TLR6: variants seen among roughly 807,000 people sequenced by gnomAD.
The protein encoded by TLR6 is toll-like receptor 6.
A neutral mutation model predicts 16.1 loss-of-function variants in TLR6; 9 were observed. The observed-to-expected ratio is 0.56, with a 90% confidence interval of 0.34 to 0.98. TLR6 has a LOEUF of 0.98. TLR6 is among the 50% of genes least tolerant of loss of function. The pLI is 0.02. For missense variants in TLR6, 786 were observed against 921.0 expected (o/e 0.85, Z 1.90); for synonymous variants, 340 against 338.6 (o/e 1.00, Z -0.04).
intron 1 of TLR6, 76 bp downstream of exon 1, chr4:38,856,685 T>G (rs1713004525): frequency 6.6e-6 from 1 of 152,214 alleles, no homozygotes; most frequent in South Asian, 2.1e-4. Flanking sequence ...TCCTATATAA[T>G]GAATGGTTAG....
At chr4:38,867,645 C>G in the TLR6 span, 1 of 151,862 alleles carries the variant, frequency 6.6e-6, no homozygotes, top group African/African-American at 2.4e-5. Flanking sequence ...GAGACTCGCC[C>G]AGCGCGGGCC....
At chr4:38,851,415 G>A (rs545643523) in intron 1 of TLR6, among the ~76,000 whole-genome samples, 9 of 152,182 alleles carry the variant, frequency 5.9e-5, no homozygotes, top group Admixed American at 2.0e-4. Context: ...AGAAATAAAG[G>A]GTATTCAATT....
intron 1 of TLR6, among the ~76,000 whole-genome samples, chr4:38,850,552 C>A (rs1712727430): frequency 6.6e-6 from 1 of 152,110 alleles, no homozygotes; most frequent in South Asian, 2.1e-4. Context: ...GGGGATATCA[C>A]CACTGATCCC....
upstream of TLR6, among the ~76,000 whole-genome samples, chr4:38,858,206 C>T (rs539901074): frequency 4.3e-4 from 66 of 152,298 alleles, no homozygotes; most frequent in Middle Eastern, 3.4e-3. Flanking sequence ...GGCCGAACCT[C>T]CACTTGGCCA....
exon 2 of TLR6, chr4:38,827,824 T>A (rs1381897835): frequency 6.2e-7 from 1 of 1,614,250 alleles, no homozygotes; most frequent in South Asian, 1.1e-5. Flanking sequence ...CCTCTAACAC[T>A]TCACTTGATA....
At chr4:38,827,573 T>C (rs1727604897) in exon 2 of TLR6, 2 of 1,614,106 alleles carry the variant, frequency 1.2e-6, no homozygotes, top group African/African-American at 2.7e-5. Context: ...TTGGAGTTCT[T>C]CTAAGGGTAT....
chr4:38,827,205 G>A lies in TLR6; in HGVS notation c.2269C>T (p.Gln757Ter), dbSNP rs368209205. The change falls in exon 2 of 2, where the codon CAG becomes TAG. Residue 757 changes from glutamine (Q) to a stop codon, truncating the protein, a stop_gained. Transcript: ENST00000436693. LOFTEE classifies it high-confidence loss of function. ...TTGGGCCACTGCAAATAAGTCCGCT[G>A]CGTCATGAGAGCCTTCAGCTTGTGG... 12 of 1,614,186 alleles carry A rather than the reference G, an allele frequency of 7.4e-6. No homozygotes were observed. Among genetic ancestry groups the A allele is most frequent in the East Asian group, 6.7e-5 (3 of 44,888 alleles).
chr4:38,867,035 C>T, the TLR6 span, among the ~76,000 whole-genome samples: 3 of 152,210 alleles, frequency 2.0e-5, no homozygotes, highest in African/African-American at 7.2e-5. Flanking sequence ...CACTGCGCTT[C>T]CTCCGCATCT....
At chr4:38,862,948 A>AAC in the TLR6 span, among the ~76,000 whole-genome samples, 1 of 151,030 alleles carries the variant, frequency 6.6e-6, no homozygotes, top group Non-Finnish European at 1.5e-5. Context: ...AAAAAAAAAA[A>AAC]AAAAAACTCC....
intron 1 of TLR6, among the ~76,000 whole-genome samples, chr4:38,854,199 C>CA (rs2109474477): frequency 6.6e-6 from 1 of 152,116 alleles, no homozygotes; most frequent in South Asian, 2.1e-4. Context: ...CACGTTAAAT[C>CA]AAAAAAGCAC....
intron 1 of TLR6, among the ~76,000 whole-genome samples, chr4:38,848,476 T>C (rs1712630373): frequency 6.6e-6 from 1 of 152,170 alleles, no homozygotes; most frequent in Non-Finnish European, 1.5e-5. Context: ...ACGATCAAAC[T>C]TCTCCAACTA....
At position 38,854,066 on chromosome 4, in the gene TLR6, T is replaced by TA. The variant is rs1712869892; in HGVS notation, c.-65+2694dup. ...GGAACTTTATTTTCCTCTTAGTTTT[T>TA]ATCTATATTTTTCAAACTTTTAACA... On this transcript the variant is annotated intron_variant, in intron 1 of 1. Coordinates refer to ENST00000436693, the Ensembl canonical transcript of TLR6. Among the ~76,000 whole-genome samples, 3 of 152,364 alleles carry TA rather than the reference T, an allele frequency of 2.0e-5. No homozygotes were observed. The South Asian group carries it at 6.2e-4, about 32-fold the overall frequency.
chr4:38,827,989 G>A, exon 2 of TLR6: 1 of 1,614,106 alleles, frequency 6.2e-7, no homozygotes, highest in South Asian at 1.1e-5. Flanking sequence ...CAGAAAGGCT[G>A]CTAAAGCTGC....
exon 2 of TLR6, chr4:38,826,166 C>T (rs1321814199): frequency 6.6e-6 from 1 of 152,334 alleles, no homozygotes; most frequent in African/African-American, 2.4e-5. Flanking sequence ...GTCCCTCACA[C>T]TTGTCTGCAA....
At chr4:38,850,918 A>G (rs2109469292) in intron 1 of TLR6, among the ~76,000 whole-genome samples, 1 of 152,320 alleles carries the variant, frequency 6.6e-6, no homozygotes, top group Admixed American at 6.5e-5. Flanking sequence ...CCTGGCAGAG[A>G]CACAACAAAA....
upstream of TLR6, among the ~76,000 whole-genome samples, chr4:38,858,832 GAAGA>G (rs71190999): frequency 0.21 from 10,779 of 50,780 alleles, 807 homozygotes; most frequent in Non-Finnish European, 0.25. Context: ...AGAGAGAGAG[GAAGA>G]AAGAAAGAAA....
the TLR6 span, chr4:38,867,548 C>G: frequency 1.3e-5 from 2 of 152,158 alleles, no homozygotes; most frequent in Admixed American, 1.3e-4. Flanking sequence ...ATCTGGCGAA[C>G]CCCGAGACCC....
In TLR6 at chr4:38,833,757, A is replaced by T. The variant is rs377298359; in HGVS notation, c.-64-4220T>A. ...TAATTCAAAATAATGATACTAAAGA[A>T]ACTCAGTGAGTTACAAGAGAGCATA... is the stretch of plus-strand genomic sequence containing the variant. On this transcript the variant is annotated intron_variant, in intron 1 of 1. Transcript: ENST00000436693. Among the ~76,000 whole-genome samples, 19 of 152,326 alleles carry T rather than the reference A, an allele frequency of 1.2e-4. No homozygotes were observed. In the East Asian group the frequency reaches 3.5e-3, roughly 28 times the overall value.
exon 2 of TLR6, chr4:38,828,959 C>T (rs771081094): frequency 6.2e-7 from 1 of 1,613,416 alleles, no homozygotes; most frequent in South Asian, 1.1e-5. Context: ...AAGGATATAA[C>T]TTAGATGCAA....
Sources: gnomAD v4.1 joint callset for allele counts (sites outside exome capture counted in the v4.1 genomes callset) on GRCh38, gnomAD v4.1.1 for gene constraint, MANE v1.5 for transcripts, NCBI Gene and HGNC (gene_info 2026-07-23, HGNC 2026-07-21) for gene names.